Variants in PDE4D observed in about 807,000 individuals in gnomAD.
PDE4D encodes the protein 3',5'-cyclic-AMP phosphodiesterase 4D.
In PDE4D, 24 loss-of-function variants were observed where a neutral mutation model predicts 87.4. That is an observed-to-expected ratio of 0.27 (90% CI 0.20 to 0.39). The LOEUF is 0.39. PDE4D is among the 10% of genes least tolerant of loss of function. The pLI, the probability that PDE4D is intolerant of heterozygous loss-of-function variation, is 1.00. For synonymous variants in PDE4D, 384 were observed against 383.2 expected (o/e 1.00, Z -0.02); for missense variants, 714 against 1,041.0 (o/e 0.69, Z 4.32).
At chr5:59,110,615 T>C (rs1288831268) in intron 5 of PDE4D, among the ~76,000 whole-genome samples, 2 of 152,226 alleles carry the variant, frequency 1.3e-5, no homozygotes, top group Admixed American at 1.3e-4. Context: ...CTCATGCCTG[T>C]AATCCCAGCA....
intron 1 of PDE4D, among the ~76,000 whole-genome samples, chr5:59,685,052 A>G (rs986573826): frequency 3.9e-5 from 6 of 152,224 alleles, no homozygotes; most frequent in Admixed American, 3.9e-4. Flanking sequence ...ACTAACACAT[A>G]GAGTATAGAG....
intron 1 of PDE4D, among the ~76,000 whole-genome samples, chr5:59,546,148 G>T (rs1233696216): frequency 6.6e-6 from 1 of 152,050 alleles, no homozygotes; most frequent in African/African-American, 2.4e-5. Context: ...AGCACAGTAA[G>T]CACTATTCCT....
intron 1 of PDE4D, among the ~76,000 whole-genome samples, chr5:59,808,470 T>G (rs1310232523): frequency 6.6e-6 from 1 of 152,180 alleles, no homozygotes; most frequent in African/African-American, 2.4e-5. Flanking sequence ...AAAGAGTATT[T>G]GTTTGGGCAA....
At chr5:59,165,481 G>T (rs1781792950) in intron 5 of PDE4D, among the ~76,000 whole-genome samples, 2 of 152,116 alleles carry the variant, frequency 1.3e-5, no homozygotes, top group African/African-American at 4.8e-5. Context: ...TCACCATGTT[G>T]GCCAGGCTGG....
At chr5:59,030,771 G>A (rs908414556) in intron 6 of PDE4D, among the ~76,000 whole-genome samples, 1 of 152,086 alleles carries the variant, frequency 6.6e-6, no homozygotes, top group African/African-American at 2.4e-5. Context: ...AATTCTCAGG[G>A]AAATGCAATT....
intron 1 of PDE4D, among the ~76,000 whole-genome samples, chr5:59,739,788 T>C (rs894859665): frequency 6.6e-6 from 1 of 152,156 alleles, no homozygotes; most frequent in African/African-American, 2.4e-5. Flanking sequence ...GACCTTCAAG[T>C]ATGCTTATCT....
chr5:59,632,851 G>A (rs1371399803), intron 1 of PDE4D, among the ~76,000 whole-genome samples: 3 of 152,246 alleles, frequency 2.0e-5, no homozygotes, highest in Admixed American at 6.5e-5. Flanking sequence ...ACAACTCCTC[G>A]CCAGCAAGGG....
At chr5:59,499,599 CA>C (rs2153663766) in intron 1 of PDE4D, among the ~76,000 whole-genome samples, 1 of 152,010 alleles carries the variant, frequency 6.6e-6, no homozygotes, top group Non-Finnish European at 1.5e-5. Context: ...ACATCACAAC[CA>C]ATCCCATAGA....
At chr5:60,260,639 A>G (rs1239286662) in intron 1 of PDE4D, among the ~76,000 whole-genome samples, 2 of 152,082 alleles carry the variant, frequency 1.3e-5, no homozygotes, top group Admixed American at 6.6e-5. Flanking sequence ...TTCTCTAAAT[A>G]TCTGTCAATC....
At chr5:59,969,349 G>A (rs1017594680) in intron 3 of PDE4D, among the ~76,000 whole-genome samples, 5 of 152,134 alleles carry the variant, frequency 3.3e-5, no homozygotes, top group African/African-American at 1.2e-4. Flanking sequence ...GATGGGAGAA[G>A]AAAACAAATT....
At chr5:59,073,507 C>CGGGGGGGGGGGGGGG (rs56301552) in intron 5 of PDE4D, among the ~76,000 whole-genome samples, 1 of 38,152 alleles carries the variant, frequency 2.6e-5, no homozygotes, top group Non-Finnish European at 6.1e-5. Context: ...AAGTGGGGGG[C>CGGGGGGGGGGGGGGG]GGGGGGGGCG....
At chr5:59,273,746 A>G (rs1764292330) in intron 1 of PDE4D, among the ~76,000 whole-genome samples, 1 of 152,172 alleles carries the variant, frequency 6.6e-6, no homozygotes, top group South Asian at 2.1e-4. Context: ...AAATATTTAA[A>G]AATGCATTTT....
At chr5:59,870,661 G>A (rs1747693218) in intron 1 of PDE4D, among the ~76,000 whole-genome samples, 3 of 152,170 alleles carry the variant, frequency 2.0e-5, no homozygotes, top group Admixed American at 1.3e-4. Context: ...CATCAAACAT[G>A]TGGGCCATGG....
intron 1 of PDE4D, among the ~76,000 whole-genome samples, chr5:59,602,164 G>A (rs749029448): frequency 6.6e-6 from 1 of 151,890 alleles, no homozygotes; most frequent in African/African-American, 2.4e-5. Context: ...AACAAAGGAC[G>A]AAAACTATAT....
chr5:60,117,622 C>T (rs1261954764), intron 2 of PDE4D, among the ~76,000 whole-genome samples: 1 of 151,990 alleles, frequency 6.6e-6, no homozygotes, highest in African/African-American at 2.4e-5. Context: ...TCTAAAGAGA[C>T]CCTGATCCCA....
chr5:59,821,552 A>C (rs61279231), intron 1 of PDE4D, among the ~76,000 whole-genome samples: 1 of 152,208 alleles, frequency 6.6e-6, no homozygotes, highest in Non-Finnish European at 1.5e-5. Flanking sequence ...ATTCTGAAGA[A>C]ATAAACTAAA....
intron 5 of PDE4D, among the ~76,000 whole-genome samples, chr5:59,168,477 G>A (rs1475970873): frequency 6.6e-6 from 1 of 152,182 alleles, no homozygotes; most frequent in Non-Finnish European, 1.5e-5. Flanking sequence ...GAAGAGAAGT[G>A]TGGGAATTGA....
intron 2 of PDE4D, among the ~76,000 whole-genome samples, chr5:60,063,095 G>A (rs199762371): frequency 1.4e-3 from 136 of 97,278 alleles, no homozygotes; most frequent in African/African-American, 4.7e-3. Flanking sequence ...AAGAAAGAAA[G>A]AAGAAAGAAA....
In PDE4D at chr5:58,975,761, G is replaced by T. The variant is rs775209507; in HGVS notation, c.1909C>A (p.Arg637=). The T allele has an allele frequency of 5.6e-6, 9 of 1,612,628 alleles. No individual in the cohort carries two copies. The highest frequency in any genetic ancestry group is 7.6e-6 in the Non-Finnish European group (9 of 1,179,198). Residue 637 remains arginine, a synonymous_variant, in exon 14 of 15, where the codon CGG becomes AGG. Transcript: ENST00000340635. The surrounding 1 kb of genome is among the most constrained non-coding windows in gnomAD (Gnocchi z 4.2). ...TGGCGGAAGAACTCCTCCATTATCC[G>T]GTCCGTCCACTGGCGGTACAGCTGG... ...PLQLYRQWTD[R]IMEEFFRQGD...
Sources: allele counts gnomAD v4.1 joint callset (sites outside exome capture counted in the v4.1 genomes callset), GRCh38; gene constraint gnomAD v4.1.1; non-coding constraint Gnocchi (gnomAD v3.1); transcripts MANE v1.5; gene names NCBI Gene and HGNC (gene_info 2026-07-23, HGNC 2026-07-21).